CADPS: variants seen among roughly 807,000 people sequenced by gnomAD.
The protein encoded by CADPS is calcium-dependent secretion activator 1.
A neutral mutation model predicts 167.3 loss-of-function variants in CADPS; 57 were observed. The ratio of observed to expected loss-of-function variants is 0.34; its 90% confidence interval spans 0.28 to 0.42. The LOEUF (loss-of-function observed/expected upper bound fraction) is 0.42, where lower values mean the gene tolerates loss of function less well. Among genes scored for constraint, CADPS ranks in the 20% least tolerant of loss-of-function variants. The pLI is 1.00. For synonymous variants in CADPS, 676 were observed against 635.3 expected (o/e 1.06, Z -0.96); for missense variants, 1,414 against 1,738.1 (o/e 0.81, Z 3.32).
At chr3:62,597,720 C>A (rs1449679458) in intron 6 of CADPS, among the ~76,000 whole-genome samples, 1 of 152,206 alleles carries the variant, frequency 6.6e-6, no homozygotes, top group Non-Finnish European at 1.5e-5. Context: ...GCTGCCCTGA[C>A]AACCCCCATC....
rs139196352 is a variant in CADPS, at chr3:62,577,131, C to G, written c.1578-6193G>C. On this transcript the variant is annotated intron_variant, in intron 8 of 29. Transcript: ENST00000383710. ...AATTGCTGAATCCTGGAAGACCCCT[C>G]TGGCCTCAGTGTCCCTCTGCTCTGG... Among the ~76,000 whole-genome samples the G allele has an allele frequency of 3.1e-3, 471 of 152,224 alleles. 3 individuals carry two copies. The highest frequency in any genetic ancestry group is 0.011 in the African/African-American group (450 of 41,546).
intron 3 of CADPS, among the ~76,000 whole-genome samples, chr3:62,718,059 C>G (rs2085032078): frequency 1.3e-5 from 2 of 151,906 alleles, no homozygotes. Flanking sequence ...ACCACTCTAG[C>G]TAAAGAAATC....
chr3:62,645,886 C>G (rs568581910), intron 5 of CADPS, 43 bp from the exon 6 acceptor site: 23 of 1,609,886 alleles, frequency 1.4e-5, no homozygotes, highest in Non-Finnish European at 2.0e-5. Flanking sequence ...TGGCAAGGCC[C>G]CTGGCAGCAT....
intron 1 of CADPS, among the ~76,000 whole-genome samples, chr3:62,817,987 T>G (rs189235526): frequency 4.1e-4 from 63 of 152,322 alleles, no homozygotes; most frequent in African/African-American, 1.5e-3. Flanking sequence ...AATACCTGTG[T>G]GGAGCCCACA....
chr3:62,836,624 C>T (rs1279076765), intron 1 of CADPS, among the ~76,000 whole-genome samples: 1 of 152,114 alleles, frequency 6.6e-6, no homozygotes, highest in Admixed American at 6.5e-5. Context: ...ACAGGTTAAT[C>T]AATGGGGCTG....
In CADPS at chr3:62,588,070, T is replaced by C. The variant is rs373677937; in HGVS notation, c.1438-2746A>G. On this transcript the variant is annotated intron_variant, in intron 7 of 29. Transcript: ENST00000383710. ...GATGTGGCCGCCACGACCCACCCCC[T>C]GAAGTAGCTGCACTCCAGCCAGCCG... 5.9e-5 allele frequency among the ~76,000 whole-genome samples: 9 copies of C among 152,296 alleles called. No individual in the cohort carries two copies. In the East Asian group the frequency reaches 1.7e-3, roughly 29 times the overall value.
At chr3:62,533,111 A>T (rs954987806) in intron 12 of CADPS, 53 bp from the exon 13 acceptor site, 1 of 1,516,106 alleles carries the variant, frequency 6.6e-7, no homozygotes, top group South Asian at 1.2e-5. Flanking sequence ...TGTTTTCTGG[A>T]GAGCTGCTAG....
Position 62,441,581 on chromosome 3 carries a change from G to T in CADPS, c.3670-3370C>A, listed in dbSNP as rs377396510. Among the ~76,000 whole-genome samples, 3 of 152,304 alleles carry T rather than the reference G, an allele frequency of 2.0e-5. No homozygotes were observed. In the East Asian group the frequency reaches 5.8e-4, roughly 29 times the overall value. On this transcript the variant is annotated intron_variant, in intron 27 of 29. Transcript: ENST00000383710. ...TCCCTCCAGTAGTGTGGATAGTTAA[G>T]AGACAAATCTCAAAGGTGACTAACT...
At chr3:62,581,449 T>TAAA (rs549450552) in intron 8 of CADPS, among the ~76,000 whole-genome samples, 29,428 of 120,952 alleles carry the variant, frequency 0.24, 3,393 homozygotes, top group South Asian at 0.38. Context: ...GTTAGAAAAT[T>TAAA]AAAAAAAAAA....
At chr3:62,744,143 G>C (rs573961083) in intron 3 of CADPS, among the ~76,000 whole-genome samples, 22 of 152,042 alleles carry the variant, frequency 1.4e-4, no homozygotes, top group Non-Finnish European at 2.2e-4. Context: ...TTAAAGGCTT[G>C]TTATGAGGAT....
chr3:62,481,978 C>A (rs2062086458), intron 21 of CADPS, 109 bp from the exon 22 acceptor site: 2 of 1,088,314 alleles, frequency 1.8e-6, no homozygotes, highest in Non-Finnish European at 2.7e-6. Context: ...AGCAAGACAA[C>A]AGCAAAAACT....
chr3:62,735,183 A>T (rs1328305197), intron 3 of CADPS, among the ~76,000 whole-genome samples: 1 of 152,178 alleles, frequency 6.6e-6, no homozygotes, highest in East Asian at 1.9e-4. Flanking sequence ...AGCTACATGC[A>T]TAAATATAAA....
intron 3 of CADPS, among the ~76,000 whole-genome samples, chr3:62,738,088 A>G (rs571350885): frequency 1.6e-4 from 25 of 152,306 alleles, no homozygotes; most frequent in African/African-American, 6.0e-4. Flanking sequence ...TTCACATTGA[A>G]TAAGTGCACA....
chr3:62,843,217 C>T (rs1480054998), intron 1 of CADPS, among the ~76,000 whole-genome samples: 1 of 152,054 alleles, frequency 6.6e-6, no homozygotes, highest in South Asian at 2.1e-4. Flanking sequence ...CTTCCAAATA[C>T]TGTAGGCAAA....
intron 7 of CADPS, among the ~76,000 whole-genome samples, chr3:62,589,944 C>G (rs1438659380): frequency 3.3e-5 from 5 of 152,094 alleles, no homozygotes; most frequent in African/African-American, 1.2e-4. Flanking sequence ...AATCCTAGCA[C>G]TTTGGGAGGC....
intron 18 of CADPS, among the ~76,000 whole-genome samples, chr3:62,494,685 T>TTTTTTTTTTG (rs2064348166): frequency 6.6e-6 from 1 of 150,644 alleles, no homozygotes. Context: ...TTTTTTTTTT[T>TTTTTTTTTTG]GGACGGAGTT....
intron 28 of CADPS, among the ~76,000 whole-genome samples, chr3:62,429,992 T>A (rs4688296): frequency 0.61 from 92,523 of 151,986 alleles, 28,678 homozygotes; most frequent in East Asian, 0.85. Context: ...GGTAAGAGAG[T>A]TCTATTTCTA....
At chr3:62,735,414 C>G (rs1240867364) in intron 3 of CADPS, among the ~76,000 whole-genome samples, 4 of 152,150 alleles carry the variant, frequency 2.6e-5, no homozygotes, top group Non-Finnish European at 1.5e-5. Flanking sequence ...GAGACTTCAA[C>G]TGCACCACTA....
chr3:62,818,867 TAC>T (rs1427172937), intron 1 of CADPS, among the ~76,000 whole-genome samples: 2 of 152,166 alleles, frequency 1.3e-5, no homozygotes, highest in Non-Finnish European at 1.5e-5. Flanking sequence ...AATCTACTGA[TAC>T]ACACAACATA....
Sources: allele counts gnomAD v4.1 joint callset (sites outside exome capture counted in the v4.1 genomes callset), GRCh38; gene constraint gnomAD v4.1.1; transcripts MANE v1.5; gene names NCBI Gene and HGNC (gene_info 2026-07-23, HGNC 2026-07-21).